The following PCYT1B variants were observed in gnomAD, a reference collection of about 807,000 sequenced individuals.
PCYT1B encodes choline-phosphate cytidylyltransferase B.
PCYT1B carries 10 observed loss-of-function variants against 26.4 expected under a neutral mutation model. The observed-to-expected ratio is 0.38, with a 90% CI of 0.23 to 0.64. The LOEUF (loss-of-function observed/expected upper bound fraction) is 0.64. Among genes scored for constraint, PCYT1B ranks in the 30% least tolerant of loss-of-function variants. The probability of loss-of-function intolerance (pLI) is 0.56; values close to 1 mark genes in which losing one functional copy is unlikely to be tolerated. For synonymous variants in PCYT1B, 131 were observed against 108.4 expected, an observed-to-expected ratio of 1.21 and a Z score of -1.29; for missense variants, 161 against 292.7, an observed-to-expected ratio of 0.55 and a Z score of 3.28.
chrX:24,615,528 G>C (rs1413575269), intron 2 of PCYT1B, among the ~76,000 whole-genome samples: 6 of 107,944 alleles, frequency 5.6e-5, no homozygotes, highest in Non-Finnish European at 1.1e-4. Context: ...GCAGCGGCTC[G>C]ATCTCAGCTC....
chrX:24,663,483 C>T (rs1927067476), intron 1 of PCYT1B, among the ~76,000 whole-genome samples: 1 of 112,625 alleles, frequency 8.9e-6, no homozygotes, highest in African/African-American at 3.2e-5. Flanking sequence ...TTGCCTGCTG[C>T]TTTTCAATAC....
At chrX:24,631,201 C>T (rs777078016) in intron 1 of PCYT1B, among the ~76,000 whole-genome samples, 17 of 111,845 alleles carry the variant, frequency 1.5e-4, no homozygotes, top group Non-Finnish European at 2.6e-4. Flanking sequence ...GGATTACACG[C>T]GTGAGCCACC....
intron 2 of PCYT1B, among the ~76,000 whole-genome samples, chrX:24,610,919 A>C (rs186925798): frequency 1.8e-5 from 2 of 112,273 alleles, no homozygotes; most frequent in African/African-American, 6.5e-5. Context: ...ATATCAACCT[A>C]CTGTAAAGTA....
At chrX:24,653,675 CT>C (rs1926831342) in intron 1 of PCYT1B, among the ~76,000 whole-genome samples, 1 of 111,163 alleles carries the variant, frequency 9.0e-6, no homozygotes, top group South Asian at 3.8e-4. Flanking sequence ...ACTACTTGAA[CT>C]TGAATCTTTC....
rs140294252 is a variant in PCYT1B, at chrX:24,579,364, G to A, written c.660C>T (p.Asn220=). 1.7e-6 allele frequency: 2 copies of A among 1,206,580 alleles called. No individual in the cohort carries two copies. The highest frequency in any genetic ancestry group is 1.8e-5 in the African/African-American group (1 of 56,825). ...CCTTGGCTGTATACCCTCTCTGGAG[G>A]TTACGTCGGGCATAAACATCATAGT... ...VRDYDVYARR[N]LQRGYTAKEL... The change falls in exon 6 of 8, where the codon AAC becomes AAT. Residue 220 remains asparagine (N), a synonymous_variant. Transcript: ENST00000379144.
intron 4 of PCYT1B, 63 bp from the exon 5 acceptor site, chrX:24,587,382 AG>A (rs895368773): frequency 2.7e-6 from 2 of 750,077 alleles, no homozygotes; most frequent in African/African-American, 2.1e-5. Context: ...GCAGATTTGA[AG>A]GGGGGAATGG....
At chrX:24,589,038 G>A (rs915629538) in intron 4 of PCYT1B, among the ~76,000 whole-genome samples, 9 of 110,500 alleles carry the variant, frequency 8.1e-5, no homozygotes, top group Admixed American at 1.9e-4. Context: ...GCACAGTGCC[G>A]GGCACATGGT....
rs201662940 is a variant in PCYT1B at position 24,617,382 on chromosome X, TG to T, written c.217+1602del. The stretch of plus-strand genomic sequence containing the variant: ...AGTTTGGTTTGTTTGTTTTTTTTTT[TG>T]TTTGTTTTCTGCAATGGCAACTAGA... On this transcript the variant is annotated intron_variant, in intron 2 of 7. Transcript: ENST00000379144. Among the ~76,000 whole-genome samples, 730 of 98,326 alleles carry T rather than the reference TG, an allele frequency of 7.4e-3. 13 individuals are homozygous for T. Among genetic ancestry groups the T allele is most frequent in the South Asian group, 0.013 (30 of 2,396 alleles). 85.4% of individuals were successfully genotyped at this position (98,326 alleles called of 115,157 possible).
At chrX:24,657,954 G>A (rs961576102) in intron 1 of PCYT1B, 4 of 111,576 alleles carry the variant, frequency 3.6e-5, no homozygotes, top group Middle Eastern at 4.2e-3. Context: ...GTGACCATAT[G>A]TACACTTCTT....
chrX:24,562,778 A>C (rs1219644457), intron 7 of PCYT1B, among the ~76,000 whole-genome samples: 1 of 103,899 alleles, frequency 9.6e-6, no homozygotes, highest in African/African-American at 3.6e-5. Flanking sequence ...CCCAAGCTGG[A>C]GTGCAGTGGC....
intron 7 of PCYT1B, among the ~76,000 whole-genome samples, chrX:24,570,398 C>T (rs374815911): frequency 9.3e-6 from 1 of 107,187 alleles, no homozygotes; most frequent in Non-Finnish European, 1.9e-5. Context: ...GGATTACAGC[C>T]GTGTACCACC....
intron 2 of PCYT1B, 88 bp downstream of exon 2, chrX:24,618,897 A>G (rs1925608079): frequency 7.2e-6 from 4 of 555,929 alleles, no homozygotes. Context: ...TGCTGGGATC[A>G]CAGGCATGAG....
chrX:24,647,911 T>C (rs997049331), upstream of PCYT1B, among the ~76,000 whole-genome samples: 3 of 112,045 alleles, frequency 2.7e-5, no homozygotes, highest in Non-Finnish European at 5.6e-5. Context: ...AGATTGTCTT[T>C]AACAGCCTGC....
intron 1 of PCYT1B, among the ~76,000 whole-genome samples, chrX:24,668,699 TCCTTCCTCCTTG>T (rs1927176831): frequency 1.8e-5 from 2 of 108,183 alleles, no homozygotes; most frequent in Non-Finnish European, 3.8e-5. Context: ...GGAGGAAGGT[TCCTTCCTCCTTG>T]CCTTTGGATA....
At chrX:24,566,054 T>C (rs770082132) in intron 7 of PCYT1B, among the ~76,000 whole-genome samples, 1 of 111,991 alleles carries the variant, frequency 8.9e-6, no homozygotes, top group East Asian at 2.8e-4. Context: ...ATATATCAGA[T>C]TGCTAAAGTT....
At chrX:24,580,361 C>T (rs893143921) in intron 5 of PCYT1B, among the ~76,000 whole-genome samples, 3 of 111,980 alleles carry the variant, frequency 2.7e-5, no homozygotes, top group African/African-American at 9.7e-5. Flanking sequence ...ATCACAGCAA[C>T]TCTGCTTCAT....
intron 1 of PCYT1B, 188 bp from the exon 2 acceptor site, chrX:24,619,272 G>GT (rs1602185316): frequency 2.4e-6 from 1 of 414,809 alleles, no homozygotes; most frequent in African/African-American, 2.5e-5. Context: ...CTTTTGGTTT[G>GT]TTTTTTACTG....
chrX:24,582,141 C>A (rs1018448494), intron 5 of PCYT1B, among the ~76,000 whole-genome samples: 1 of 112,759 alleles, frequency 8.9e-6, no homozygotes, highest in Admixed American at 9.3e-5. Flanking sequence ...ACATCCCCAC[C>A]TTTGTGGGAA....
intron 3 of PCYT1B, among the ~76,000 whole-genome samples, chrX:24,594,792 A>G (rs1307699390): frequency 9.0e-6 from 1 of 111,607 alleles, no homozygotes; most frequent in East Asian, 2.9e-4. Flanking sequence ...TCATTGAGCT[A>G]TCTGGGAACT....
Sources: allele counts gnomAD v4.1 joint callset (sites outside exome capture counted in the v4.1 genomes callset), GRCh38; gene constraint gnomAD v4.1.1; transcripts MANE v1.5; gene names NCBI Gene and HGNC (gene_info 2026-07-23, HGNC 2026-07-21).